Variants in ARHGEF3 observed in about 807,000 individuals in gnomAD.
ARHGEF3 encodes the protein Rho guanine nucleotide exchange factor 3.
A neutral mutation model predicts 63.2 loss-of-function variants in ARHGEF3; 28 were observed. That is an observed-to-expected ratio of 0.44 (90% CI 0.33 to 0.61). The LOEUF is 0.61. Among genes scored for constraint, ARHGEF3 ranks in the 20% least tolerant of loss-of-function variants. The probability of loss-of-function intolerance (pLI) is 0.03; values close to 1 mark genes in which losing one functional copy is unlikely to be tolerated. For synonymous variants in ARHGEF3, 266 were observed against 254.2 expected (o/e 1.05, Z -0.44); for missense variants, 533 against 659.3 (o/e 0.81, Z 2.10).
intron 4 of ARHGEF3, among the ~76,000 whole-genome samples, chr3:56,839,066 G>A (rs1409096843): frequency 6.6e-6 from 1 of 152,126 alleles, no homozygotes; most frequent in African/African-American, 2.4e-5. Flanking sequence ...TTGAGCCTGG[G>A]AGTTCAAGGC....
intron 1 of ARHGEF3, among the ~76,000 whole-genome samples, chr3:56,782,492 C>T (rs2036606667): frequency 6.6e-6 from 1 of 152,136 alleles, no homozygotes; most frequent in South Asian, 2.1e-4. Context: ...ATGGAAGCCA[C>T]ATTCTTGTGT....
chr3:56,845,676 G>C (rs958493102), intron 4 of ARHGEF3, among the ~76,000 whole-genome samples: 2 of 152,132 alleles, frequency 1.3e-5, no homozygotes, highest in Non-Finnish European at 2.9e-5. Flanking sequence ...TAGTCAGCAG[G>C]CCCTAACTTC....
intron 3 of ARHGEF3, among the ~76,000 whole-genome samples, chr3:56,891,336 C>T (rs1249883600): frequency 6.9e-6 from 1 of 144,900 alleles, no homozygotes; most frequent in Non-Finnish European, 1.5e-5. Flanking sequence ...ATTTTTAGTA[C>T]ACTGCTTTTT....
intron 2 of ARHGEF3, among the ~76,000 whole-genome samples, chr3:57,002,383 C>T (rs985911113): frequency 7.2e-6 from 1 of 139,078 alleles, no homozygotes; most frequent in Admixed American, 7.4e-5. Flanking sequence ...AAATATAGTA[C>T]TCAAAATGCA....
chr3:56,930,284 G>A (rs750696477), intron 3 of ARHGEF3, among the ~76,000 whole-genome samples: 4 of 152,152 alleles, frequency 2.6e-5, no homozygotes, highest in South Asian at 4.2e-4. Context: ...AAACGAACCC[G>A]GTGGCTGTAA....
intron 1 of ARHGEF3, among the ~76,000 whole-genome samples, chr3:57,045,005 A>T (rs1196551659): frequency 6.6e-6 from 1 of 152,192 alleles, no homozygotes; most frequent in Non-Finnish European, 1.5e-5. Flanking sequence ...GGTGGCTCAC[A>T]CCTGTAATCC....
intron 3 of ARHGEF3, chr3:56,916,473 A>G: frequency 7.1e-7 from 1 of 1,400,044 alleles, no homozygotes; most frequent in Non-Finnish European, 9.3e-7. Context: ...GGGCTGCATG[A>G]CAGGAAGTGA....
In ARHGEF3 at chr3:56,893,811, CAAAAAAAAA is replaced by C. The variant is rs537483698; in HGVS notation, c.130-11466_130-11458del. On this transcript the variant is annotated intron_variant, in intron 3 of 12. Coordinates refer to the ARHGEF3 transcript ENST00000338458. Reference sequence around the variant, plus strand: ...ACAGAGCAAGAACAAGACTCTGTCTCAAAAAAAAAAAAAAAAAAAAAAAAAAAAAAAAAA... The same window carrying C: ...ACAGAGCAAGAACAAGACTCTGTCTCAAAAAAAAAAAAAAAAAAAAAAAAA... 5.0e-4 allele frequency among the ~76,000 whole-genome samples: 40 copies of C among 79,508 alleles called. 1 individual carries two copies. Among genetic ancestry groups the C allele is most frequent in the African/African-American group, 1.3e-3 (34 of 26,242 alleles). 52.2% of individuals were successfully genotyped at this position (79,508 alleles called of 152,430 possible).
At chr3:57,042,654 ATATATATATATAT>A (rs1704237372) in intron 1 of ARHGEF3, among the ~76,000 whole-genome samples, 4 of 7,372 alleles carry the variant, frequency 5.4e-4, no homozygotes, top group Non-Finnish European at 8.7e-4. Context: ...GTACATAAAT[ATATATATATATAT>A]ATATATATAT....
At chr3:57,020,633 T>C (rs925503116) in intron 2 of ARHGEF3, among the ~76,000 whole-genome samples, 10 of 152,056 alleles carry the variant, frequency 6.6e-5, no homozygotes, top group African/African-American at 2.4e-4. Context: ...CAGCCTGGAG[T>C]TGGTGGTATC....
At chr3:56,865,158 G>A (rs2040201393) in intron 4 of ARHGEF3, among the ~76,000 whole-genome samples, 1 of 152,196 alleles carries the variant, frequency 6.6e-6, no homozygotes, top group Non-Finnish European at 1.5e-5. Context: ...GCACATGGCA[G>A]GCCTATTTCC....
intron 1 of ARHGEF3, among the ~76,000 whole-genome samples, chr3:57,047,111 G>A (rs1704486421): frequency 6.6e-5 from 10 of 152,308 alleles, no homozygotes; most frequent in Admixed American, 6.5e-4. Context: ...CACTTTGGGA[G>A]CCAAGGTGGG....
intron 1 of ARHGEF3, among the ~76,000 whole-genome samples, chr3:57,068,031 G>A (rs1051382409): frequency 3.3e-5 from 5 of 151,976 alleles, no homozygotes; most frequent in South Asian, 2.1e-4. Context: ...AAAATTAGCC[G>A]GTGTGGTGGC....
chr3:56,763,500 G>A (rs1413802297), intron 2 of ARHGEF3, among the ~76,000 whole-genome samples: 1 of 151,948 alleles, frequency 6.6e-6, no homozygotes, highest in East Asian at 1.9e-4. Context: ...TCTACAATAG[G>A]GATTAAACAA....
chr3:56,816,016 C>T (rs1343443360), intron 4 of ARHGEF3, among the ~76,000 whole-genome samples: 1 of 152,028 alleles, frequency 6.6e-6, no homozygotes, highest in Non-Finnish European at 1.5e-5. Flanking sequence ...AAACTCAAGA[C>T]CAGGCTGACC....
chr3:56,934,574 T>C (rs2042501292), intron 3 of ARHGEF3, among the ~76,000 whole-genome samples: 1 of 152,226 alleles, frequency 6.6e-6, no homozygotes, highest in Non-Finnish European at 1.5e-5. Flanking sequence ...CTGCCGGCTC[T>C]GCCAGCCCAG....
At chr3:56,958,771 T>C in intron 3 of ARHGEF3, 2 of 1,507,010 alleles carry the variant, frequency 1.3e-6, no homozygotes, top group East Asian at 2.5e-5. Flanking sequence ...GGCCAGAGCA[T>C]GTATCCATAA....
At chr3:56,915,861 G>C (rs545573128) in intron 3 of ARHGEF3, among the ~76,000 whole-genome samples, 1 of 152,308 alleles carries the variant, frequency 6.6e-6, no homozygotes, top group East Asian at 1.9e-4. Flanking sequence ...TCCACTTTGT[G>C]ATTAAATAGC....
intron 3 of ARHGEF3, chr3:56,958,674 T>A (rs767987809): frequency 2.1e-5 from 17 of 821,022 alleles, no homozygotes; most frequent in Non-Finnish European, 3.2e-5. Context: ...CTGATTCAAG[T>A]GTGACTTCCC....
Sources: gnomAD v4.1 joint callset for allele counts (sites outside exome capture counted in the v4.1 genomes callset) on GRCh38, gnomAD v4.1.1 for gene constraint, MANE v1.5 for transcripts, NCBI Gene and HGNC (gene_info 2026-07-23, HGNC 2026-07-21) for gene names.